PSTPIP2: variants seen among roughly 807,000 people sequenced by gnomAD.
The protein encoded by PSTPIP2 is proline-serine-threonine phosphatase interacting protein 2, also known as proline-serine-threonine phosphatase-interacting protein 2.
Under a neutral mutation model 63.3 loss-of-function variants are expected in PSTPIP2, and 33 were observed. The ratio of observed to expected loss-of-function variants is 0.52; its 90% CI spans 0.40 to 0.70. The LOEUF (loss-of-function observed/expected upper bound fraction) is 0.70. PSTPIP2 is among the 30% of genes least tolerant of loss of function. The pLI is 0.00. For synonymous variants in PSTPIP2, 125 were observed against 132.7 expected (o/e 0.94, Z 0.40); for missense variants, 312 against 400.7 (o/e 0.78, Z 1.89).
chr18:45,988,891 C>A, intron 13 of PSTPIP2, 132 bp from the exon 14 acceptor site: 11 of 705,312 alleles, frequency 1.6e-5, no homozygotes, highest in East Asian at 2.7e-5. Context: ...ATAGATCTGC[C>A]AACAAAAACT....
In PSTPIP2 at chr18:46,038,406, G is replaced by A. The variant is rs111950783; in HGVS notation, c.134+1541C>T. On this transcript the variant is annotated intron_variant, in intron 2 of 14. Coordinates refer to ENST00000409746, the MANE Select transcript of PSTPIP2 (RefSeq NM_024430.4). ...GCCCCCCAGGCAGTCAGTGCCTGGG[G>A]TCCTGAGCCGACAGACACTTCCTTC... 4.7e-3 allele frequency among the ~76,000 whole-genome samples: 723 copies of A among 152,236 alleles called. 11 individuals carry two copies. Among genetic ancestry groups the A allele is most frequent in the Admixed American group, 0.03 (452 of 15,304 alleles).
chr18:45,991,820 A>T (rs2051536756), intron 12 of PSTPIP2, 82 bp downstream of exon 12: 3 of 1,356,022 alleles, frequency 2.2e-6, no homozygotes, highest in Non-Finnish European at 3.1e-6. Flanking sequence ...ATATGTTCCA[A>T]TTCTAACATG....
At chr18:45,987,282 T>C (rs1013040876) in intron 14 of PSTPIP2, among the ~76,000 whole-genome samples, 1 of 152,190 alleles carries the variant, frequency 6.6e-6, no homozygotes, top group African/African-American at 2.4e-5. Context: ...TAGAACGCTA[T>C]AGAAAATCAC....
intron 6 of PSTPIP2, among the ~76,000 whole-genome samples, chr18:46,002,059 C>T (rs2051673887): frequency 6.6e-6 from 1 of 152,108 alleles, no homozygotes; most frequent in Admixed American, 6.5e-5. Flanking sequence ...TATGTTGTGC[C>T]ACTTCCTCAT....
intron 2 of PSTPIP2, among the ~76,000 whole-genome samples, chr18:46,037,337 G>C (rs894178597): frequency 2.0e-5 from 3 of 152,020 alleles, no homozygotes; most frequent in Admixed American, 6.6e-5. Flanking sequence ...AGTAGAGATG[G>C]GGTTTCTCCA....
At chr18:45,996,988 C>T (rs971835090) in intron 9 of PSTPIP2, among the ~76,000 whole-genome samples, 1 of 152,232 alleles carries the variant, frequency 6.6e-6, no homozygotes. Context: ...CCTTTAGAGC[C>T]TATTGAGGCC....
chr18:46,055,471 C>T (rs1423335782), intron 1 of PSTPIP2, among the ~76,000 whole-genome samples: 2 of 152,202 alleles, frequency 1.3e-5, no homozygotes, highest in African/African-American at 4.8e-5. Context: ...CAGGCACATG[C>T]CACCATGCCC....
At chr18:46,038,697 A>C (rs1908074742) in intron 2 of PSTPIP2, among the ~76,000 whole-genome samples, 1 of 152,232 alleles carries the variant, frequency 6.6e-6, no homozygotes, top group East Asian at 1.9e-4. Flanking sequence ...GAGGAGGAGC[A>C]GCAGCCAGCT....
At chr18:46,009,143 T>G (rs558660569) in intron 5 of PSTPIP2, among the ~76,000 whole-genome samples, 1 of 152,180 alleles carries the variant, frequency 6.6e-6, no homozygotes, top group East Asian at 1.9e-4. Context: ...GTCACCACCT[T>G]CATAAAACAT....
At chr18:46,028,983 C>T (rs1004277385) in intron 2 of PSTPIP2, 2 of 952,778 alleles carry the variant, frequency 2.1e-6, no homozygotes, top group East Asian at 2.4e-5. Context: ...CTGTGCAGTT[C>T]CGTCCTTGTG....
At chr18:46,023,074 T>G (rs981376388) in intron 3 of PSTPIP2, among the ~76,000 whole-genome samples, 1 of 152,028 alleles carries the variant, frequency 6.6e-6, no homozygotes, top group Non-Finnish European at 1.5e-5. Context: ...TGAGAACACA[T>G]GGACACGTGG....
intron 2 of PSTPIP2, chr18:46,028,491 T>A: frequency 1.6e-6 from 1 of 632,040 alleles, no homozygotes. Flanking sequence ...GGAGCTGGTC[T>A]TCGGCGATGT....
In PSTPIP2 at chr18:46,072,190, G is replaced by T. The variant is rs1250658326; in HGVS notation, c.-2C>A. Reference sequence around the variant, plus strand: ...TCCCTTGAACAGTGAGCGCGTCATCGCAGCGCGAGTGGGGGCGCGGAGGAG... The same window carrying T: ...TCCCTTGAACAGTGAGCGCGTCATCTCAGCGCGAGTGGGGGCGCGGAGGAG... On this transcript the variant is annotated 5_prime_UTR_variant, in exon 1 of 15. Coordinates refer to ENST00000409746, the MANE Select transcript of PSTPIP2 (RefSeq NM_024430.4). 6.5e-7 allele frequency: 1 copy of T among 1,535,358 alleles called. No homozygotes were observed. The highest frequency in any genetic ancestry group is 2.5e-5 in the East Asian group (1 of 39,352).
Position 46,071,254 on chromosome 18 carries a change from C to T in PSTPIP2, c.33+902G>A, listed in dbSNP as rs1044030490. Among the ~76,000 whole-genome samples, 7 of 152,272 alleles carry T rather than the reference C, an allele frequency of 4.6e-5. No individual in the cohort carries two copies. The East Asian group carries it at 1.4e-3, about 29-fold the overall frequency. ...GGTGGGGGGAGGCAAGCAGGAGCCC[C>T]AGTAAGGAGTCAGGGCCCCTTGGCA... On this transcript the variant is annotated intron_variant, in intron 1 of 14. Transcript: ENST00000409746.
chr18:46,029,115 A>T, intron 2 of PSTPIP2: 1 of 823,726 alleles, frequency 1.2e-6, no homozygotes, highest in Non-Finnish European at 2.2e-6. Flanking sequence ...GGCTTATTTT[A>T]GTGCTAATGG....
At chr18:46,043,224 T>TAAAAAA (rs34454812) in intron 1 of PSTPIP2, among the ~76,000 whole-genome samples, 1 of 77,312 alleles carries the variant, frequency 1.3e-5, no homozygotes, top group Non-Finnish European at 2.3e-5. Flanking sequence ...CACCTCTCCT[T>TAAAAAA]AAAAAAAAAA....
At chr18:46,011,089 G>T in intron 5 of PSTPIP2, 92 bp downstream of exon 5, 1 of 1,045,138 alleles carries the variant, frequency 9.6e-7, no homozygotes, top group Non-Finnish European at 1.5e-6. Flanking sequence ...TTACATGATG[G>T]TGGGAGCTGA....
At chr18:45,992,559 T>C (rs2051548313) in intron 10 of PSTPIP2, among the ~76,000 whole-genome samples, 1 of 136,230 alleles carries the variant, frequency 7.3e-6, no homozygotes, top group Non-Finnish European at 1.5e-5. Context: ...CGAGACTCCG[T>C]CTCAAAAAAA....
intron 9 of PSTPIP2, among the ~76,000 whole-genome samples, chr18:45,995,177 C>T (rs186492936): frequency 6.6e-5 from 10 of 152,214 alleles, no homozygotes; most frequent in East Asian, 3.9e-4. Flanking sequence ...AGCAGTGGTG[C>T]GCTCATGGCT....
Sources: allele counts gnomAD v4.1 joint callset (sites outside exome capture counted in the v4.1 genomes callset), GRCh38; gene constraint gnomAD v4.1.1; transcripts MANE v1.5; gene names NCBI Gene and HGNC (gene_info 2026-07-23, HGNC 2026-07-21).